KDELR3: variants seen among roughly 807,000 people sequenced by gnomAD.
KDELR3 encodes ER lumen protein-retaining receptor 3.
A neutral mutation model predicts 22.7 loss-of-function variants in KDELR3; 26 were observed. The ratio of observed to expected loss-of-function variants is 1.15; its 90% CI spans 0.84 to 1.59. The LOEUF (loss-of-function observed/expected upper bound fraction) is 1.59, where lower values mean the gene tolerates loss of function less well. Ranked by LOEUF, KDELR3 falls within the 40% of genes most tolerant of loss-of-function variation. The pLI is 0.00. For missense variants in KDELR3, 289 were observed against 251.1 expected (o/e 1.15, Z -1.02); for synonymous variants, 120 against 98.2 (o/e 1.22, Z -1.31).
intron 2 of KDELR3, among the ~76,000 whole-genome samples, chr22:38,479,332 C>A (rs1187044847): frequency 2.6e-5 from 4 of 152,178 alleles, no homozygotes; most frequent in African/African-American, 9.7e-5. Context: ...TAATGCTCCA[C>A]AAATGAAGGG....
At chr22:38,479,928 A>C (rs1227576799) in intron 3 of KDELR3, among the ~76,000 whole-genome samples, 177 bp downstream of exon 3, 1 of 152,240 alleles carries the variant, frequency 6.6e-6, no homozygotes, top group Admixed American at 6.5e-5. Flanking sequence ...AAATGAGCAC[A>C]TCTCAATAGT....
chr22:38,476,827 CCTT>C (rs1158446718), intron 2 of KDELR3, among the ~76,000 whole-genome samples: 3 of 149,600 alleles, frequency 2.0e-5, no homozygotes, highest in African/African-American at 7.4e-5. Flanking sequence ...CCTGGCCCCC[CCTT>C]TTTTTTTTTT....
chr22:38,479,628 C>T lies in KDELR3; in HGVS notation c.228C>T (p.Tyr76=). The part of the protein sequence containing the change: ...VFLLCAYVTV[Y]MIYGKFRKTF... ...TCCTCTGTGCCTATGTTACAGTGTA[C>T]ATGATATATGGGAAATTCCGTAAAA... The change falls in exon 3 of 5, where the codon TAC becomes TAT. Residue 76 remains tyrosine, a synonymous_variant. Coordinates refer to ENST00000216014, the MANE Select transcript of KDELR3 (RefSeq NM_006855.4). 1.2e-6 allele frequency: 2 copies of T among 1,613,986 alleles called. No homozygotes were observed. The highest frequency in any genetic ancestry group is 1.7e-6 in the Non-Finnish European group (2 of 1,179,838).
chr22:38,473,988 GAAA>G, intron 1 of KDELR3, among the ~76,000 whole-genome samples: 1 of 151,572 alleles, frequency 6.6e-6, no homozygotes, highest in South Asian at 2.1e-4. Flanking sequence ...AAAGAAAAAA[GAAA>G]AAAGAAAAAA....
chr22:38,481,315 T>G lies in KDELR3; in HGVS notation c.455T>G (p.Leu152Arg). ...GCTGAGACCATAACTACTCACTACC[T>G]GTTCTTTCTGGGTCTGTACCGGGCA... is the stretch of plus-strand genomic sequence containing the variant. ...GEAETITTHY[L>R]FFLGLYRALY... Residue 152 changes from leucine to arginine, a missense_variant, in exon 4 of 5, where the codon CTG becomes CGG. Physicochemically the swap from Leu to Arg is moderately radical, Grantham distance 102 (BLOSUM62 -2). Coordinates refer to ENST00000216014, the MANE Select transcript of KDELR3 (RefSeq NM_006855.4). The G allele has an allele frequency of 6.2e-7, 1 of 1,614,186 alleles. No homozygotes were observed. Among genetic ancestry groups the G allele is most frequent in the South Asian group, 1.1e-5 (1 of 91,088 alleles).
intron 1 of KDELR3, among the ~76,000 whole-genome samples, chr22:38,468,961 A>T (rs1036857839): frequency 6.6e-6 from 1 of 152,200 alleles, no homozygotes. Context: ...ACAGATCCAG[A>T]GCCACGAAAG....
chr22:38,483,278 G>A lies in KDELR3; in HGVS notation c.*742G>A. 1 of 152,110 alleles carries A rather than the reference G, an allele frequency of 6.6e-6. No individual in the cohort carries two copies. Among genetic ancestry groups the A allele is most frequent in the Non-Finnish European group, 1.5e-5 (1 of 68,026 alleles). The allele number at this position is 152,110 out of a possible 1,614,324, so 9.4% of individuals were successfully genotyped here. On this transcript the variant is annotated 3_prime_UTR_variant, in exon 5 of 5. Coordinates refer to ENST00000216014, the MANE Select transcript of KDELR3 (RefSeq NM_006855.4). Reference sequence around the variant, plus strand: ...CCTTACCTACTAGGTATCCTGCTAGGGTTTTCAATTCCAATTCTTGTATTA... The same window carrying A: ...CCTTACCTACTAGGTATCCTGCTAGAGTTTTCAATTCCAATTCTTGTATTA...
chr22:38,472,520 G>A (rs1270261926), intron 1 of KDELR3, among the ~76,000 whole-genome samples: 1 of 152,026 alleles, frequency 6.6e-6, no homozygotes, highest in Admixed American at 6.6e-5. Context: ...GGACACTAAG[G>A]AGCATGACAA....
At position 38,482,737 on chromosome 22, in the gene KDELR3, TAA is replaced by T. The variant is rs954322580; in HGVS notation, c.*206_*207del. 1 of 557,158 alleles carries T rather than the reference TAA, an allele frequency of 1.8e-6. No individual in the cohort carries two copies. Among genetic ancestry groups the T allele is most frequent in the Non-Finnish European group, 3.2e-6 (1 of 315,496 alleles). The allele number at this position is 557,158 out of a possible 1,614,324, so 34.5% of individuals were successfully genotyped here. On this transcript the variant is annotated 3_prime_UTR_variant, in exon 5 of 5. Coordinates refer to ENST00000216014, the MANE Select transcript of KDELR3 (RefSeq NM_006855.4). The stretch of plus-strand genomic sequence containing the variant: ...CCCTTAAAGACCCATTGTAAGGTCA[TAA>T]AAAACCTCGGCCACCTGCACAAAGA...
chr22:38,481,271 GA>G lies in KDELR3; in HGVS notation c.412del (p.Ile138SerfsTer10), dbSNP rs752521551. On this transcript the variant is annotated frameshift_variant, in exon 4 of 5. Transcript: ENST00000216014. LOFTEE classifies it high-confidence loss of function. ...SVAILPQLFM[I>X]SKTGEAETIT... is the part of the protein sequence containing the mutation. ...TGGCTATCCTGCCCCAGCTCTTCAT[GA>G]TCAGCAAGACTGGAGAGGCTGAGAC... The G allele has an allele frequency of 6.8e-6, 11 of 1,614,010 alleles. No individual in the cohort carries two copies. In the African/African-American group the frequency reaches 1.5e-4, roughly 22 times the overall value.
At chr22:38,479,528 A>C in intron 2 of KDELR3, 65 bp from the exon 3 acceptor site, 1 of 1,451,474 alleles carries the variant, frequency 6.9e-7, no homozygotes, top group Non-Finnish European at 9.6e-7. Context: ...GTAGGCTAGG[A>C]GCGTAGTAAA....
In KDELR3 at chr22:38,474,581, C is replaced by T. The variant is rs747840112; in HGVS notation, c.150C>T (p.Asp50=). ...FALVFTTRYL[D]LFTNFISIYN... is the part of the protein sequence containing the mutation. Reference sequence around the variant, plus strand: ...TCGTCTTCACCACCAGGTACCTGGACCTGTTCACCAACTTCATCTCCATCT... The same window carrying T: ...TCGTCTTCACCACCAGGTACCTGGATCTGTTCACCAACTTCATCTCCATCT... The change falls in exon 2 of 5, where the codon GAC becomes GAT. Residue 50 remains aspartate (D), a synonymous_variant. Transcript: ENST00000216014. 1.2e-5 allele frequency: 19 copies of T among 1,613,940 alleles called. No individual in the cohort carries two copies. Among genetic ancestry groups the T allele is most frequent in the African/African-American group, 2.7e-5 (2 of 74,900 alleles).
rs1313811796 is a variant in KDELR3 at position 38,479,752 on chromosome 22, G to A, written c.351+1G>A. The A allele has an allele frequency of 6.2e-7, 1 of 1,613,992 alleles. No individual in the cohort carries two copies. The highest frequency in any genetic ancestry group is 8.5e-7 in the Non-Finnish European group (1 of 1,179,966). On this transcript the variant is annotated splice_donor_variant, in intron 3 of 4. Transcript: ENST00000216014. LOFTEE classifies it high-confidence loss of function. ...AAACTACAGTTTCACTCTGCTGGAG[G>A]TAAGGGAATGGACTGAGTACCAGTT...
Position 38,479,504 on chromosome 22 carries a change from G to C in KDELR3, c.193-89G>C, listed in dbSNP as rs2089583224. On this transcript the variant is annotated intron_variant, in intron 2 of 4. Coordinates refer to ENST00000216014, the MANE Select transcript of KDELR3 (RefSeq NM_006855.4). The stretch of plus-strand genomic sequence containing the variant: ...TCATGTTACATTATGGCAGAACACT[G>C]ACCCTTAGGTTTGGTAGGCTAGGAG... 8.9e-6 allele frequency: 11 copies of C among 1,229,438 alleles called. No homozygotes were observed. The South Asian group carries it at 1.4e-4, about 16-fold the overall frequency. 76.2% of individuals were successfully genotyped at this position (1,229,438 alleles called of 1,614,324 possible). A position where few individuals can be genotyped will look rare whatever the true frequency, so the allele number is the denominator to read the frequency against.
chr22:38,481,691 A>G (rs940817041), intron 4 of KDELR3: 12 of 1,350,466 alleles, frequency 8.9e-6, no homozygotes, highest in Non-Finnish European at 1.2e-5. Context: ...ATGACATTTG[A>G]CAGAATACTT....
chr22:38,477,224 G>A (rs891461045), intron 2 of KDELR3, among the ~76,000 whole-genome samples: 1 of 146,746 alleles, frequency 6.8e-6, no homozygotes, highest in Non-Finnish European at 1.5e-5. Flanking sequence ...TTTTTATTTT[G>A]AGACAGTCTC....
At chr22:38,476,849 CAG>C (rs1036007012) in intron 2 of KDELR3, among the ~76,000 whole-genome samples, 2 of 139,778 alleles carry the variant, frequency 1.4e-5, no homozygotes, top group African/African-American at 5.4e-5. Flanking sequence ...TTTTTTGAGA[CAG>C]AGTGGAGTGC....
In KDELR3 at chr22:38,470,071, C is replaced by T. The variant is rs182182074; in HGVS notation, c.91+1747C>T. 3.1e-3 allele frequency among the ~76,000 whole-genome samples: 474 copies of T among 151,170 alleles called. 3 individuals carry two copies. Among genetic ancestry groups the T allele is most frequent in the Non-Finnish European group, 2.8e-3 (193 of 67,864 alleles). On this transcript the variant is annotated intron_variant, in intron 1 of 4. Coordinates refer to ENST00000216014, the MANE Select transcript of KDELR3 (RefSeq NM_006855.4). ...CTGACCTCAGGTGATTCACCCACCT[C>T]GGCCTCCGAAAGTGCTGGTGCTGGG...
chr22:38,471,205 A>G (rs1213818950), intron 1 of KDELR3, among the ~76,000 whole-genome samples: 1 of 152,180 alleles, frequency 6.6e-6, no homozygotes, highest in African/African-American at 2.4e-5. Context: ...TGCTAAGGAA[A>G]ATGTGAGTAA....
Sources: allele counts gnomAD v4.1 joint callset (sites outside exome capture counted in the v4.1 genomes callset), GRCh38; gene constraint gnomAD v4.1.1; transcripts MANE v1.5; gene names NCBI Gene and HGNC (gene_info 2026-07-23, HGNC 2026-07-21).